GPHN: variants seen among roughly 807,000 people sequenced by gnomAD.
GPHN encodes the protein gephyrin.
A neutral mutation model predicts 95.5 loss-of-function variants in GPHN; 17 were observed. The observed-to-expected ratio is 0.18, with a 90% CI of 0.12 to 0.27. The LOEUF is 0.27. GPHN is among the 10% of genes least tolerant of loss of function. GPHN has a pLI of 1.00. For synonymous variants in GPHN, 320 were observed against 322.5 expected (o/e 0.99, Z 0.08); for missense variants, 660 against 978.1 (o/e 0.67, Z 4.34).
chr14:67,359,160 C>A, the GPHN span, among the ~76,000 whole-genome samples: 1 of 152,138 alleles, frequency 6.6e-6, no homozygotes, highest in Non-Finnish European at 1.5e-5. Flanking sequence ...AGATCGAATC[C>A]GAGGGCTATG....
chr14:67,066,782 G>C (rs186060647), intron 11 of GPHN, among the ~76,000 whole-genome samples: 214 of 152,224 alleles, frequency 1.4e-3, no homozygotes, highest in African/African-American at 5.0e-3. Flanking sequence ...GCTACATCAG[G>C]TCACTTAAGG....
chr14:66,884,463 G>C (rs912409813), intron 5 of GPHN, among the ~76,000 whole-genome samples: 1 of 151,998 alleles, frequency 6.6e-6, no homozygotes, highest in African/African-American at 2.4e-5. Flanking sequence ...GCATTTACTA[G>C]CAGTGTTACC....
the GPHN span, chr14:67,201,372 C>T: frequency 4.5e-6 from 2 of 446,744 alleles, no homozygotes; most frequent in Non-Finnish European, 9.0e-6. Context: ...AGCCCCAGGG[C>T]ATCAGCTCAC....
chr14:67,496,391 G>GTTTTTTTTTTTTTTT, the GPHN span, among the ~76,000 whole-genome samples: 9 of 30,106 alleles, frequency 3.0e-4, 4 homozygotes, highest in East Asian at 2.4e-3. Context: ...CTGCTCCGGC[G>GTTTTTTTTTTTTTTT]TTTTTTTTTT....
chr14:67,290,278 T>C, the GPHN span, among the ~76,000 whole-genome samples: 3 of 152,240 alleles, frequency 2.0e-5, no homozygotes, highest in East Asian at 5.8e-4. Context: ...AAAGATCAGG[T>C]ACTTGTCATA....
At chr14:66,531,563 C>T (rs950047391) in intron 1 of GPHN, among the ~76,000 whole-genome samples, 2 of 152,098 alleles carry the variant, frequency 1.3e-5, no homozygotes, top group Non-Finnish European at 2.9e-5. Flanking sequence ...GCAGTCTTCC[C>T]AAATAGTAGA....
chr14:66,603,084 T>C (rs1264135273), intron 1 of GPHN, among the ~76,000 whole-genome samples: 3 of 151,822 alleles, frequency 2.0e-5, no homozygotes, highest in Non-Finnish European at 3.0e-5. Flanking sequence ...ATTGAAAAAA[T>C]TGTATTCTTA....
At chr14:67,118,437 T>C (rs1407426303) in intron 16 of GPHN, among the ~76,000 whole-genome samples, 2 of 152,136 alleles carry the variant, frequency 1.3e-5, no homozygotes, top group Non-Finnish European at 2.9e-5. Flanking sequence ...CAAAGATTTA[T>C]CCCTCGGGCC....
chr14:67,338,804 C>T, the GPHN span: 1 of 1,552,380 alleles, frequency 6.4e-7, no homozygotes, highest in South Asian at 1.2e-5. Context: ...AACACTGTTT[C>T]AATATTAAGT....
intron 1 of GPHN, among the ~76,000 whole-genome samples, chr14:66,518,061 A>G (rs1414709298): frequency 3.3e-5 from 5 of 151,862 alleles, no homozygotes; most frequent in Non-Finnish European, 5.9e-5. Flanking sequence ...ATTAATATCT[A>G]GGATATACAA....
At chr14:67,292,684 C>T in the GPHN span, 1 of 1,613,634 alleles carries the variant, frequency 6.2e-7, no homozygotes, top group Non-Finnish European at 8.5e-7. Flanking sequence ...TCCTCCATTT[C>T]CTCTTATCTC....
chr14:66,664,048 G>A (rs757613020), intron 1 of GPHN, among the ~76,000 whole-genome samples: 29 of 152,046 alleles, frequency 1.9e-4, no homozygotes, highest in Admixed American at 3.9e-4. Context: ...CTTTAACACC[G>A]CACTGACAAT....
At chr14:66,535,907 C>T (rs1043436266) in intron 1 of GPHN, among the ~76,000 whole-genome samples, 5 of 152,108 alleles carry the variant, frequency 3.3e-5, no homozygotes, top group Middle Eastern at 6.8e-3. Flanking sequence ...AACTATTTTA[C>T]TTATTTCTTT....
At chr14:67,567,518 C>G in the GPHN span, among the ~76,000 whole-genome samples, 1 of 151,948 alleles carries the variant, frequency 6.6e-6, no homozygotes, top group African/African-American at 2.4e-5. Flanking sequence ...CCGAATTTTA[C>G]TTGGGCTCGA....
At chr14:67,053,058 G>GAA (rs113721368) in intron 10 of GPHN, among the ~76,000 whole-genome samples, 6 of 113,848 alleles carry the variant, frequency 5.3e-5, no homozygotes, top group Middle Eastern at 4.1e-3. Flanking sequence ...GAGCAAAAAA[G>GAA]AAAAAAAAAA....
chr14:67,556,581 C>T, the GPHN span, among the ~76,000 whole-genome samples: 2 of 152,196 alleles, frequency 1.3e-5, no homozygotes, highest in Admixed American at 6.5e-5. Flanking sequence ...ACCCACCCTG[C>T]ACCAGCTTTT....
At chr14:66,648,820 A>G (rs746787236) in intron 1 of GPHN, among the ~76,000 whole-genome samples, 4 of 152,226 alleles carry the variant, frequency 2.6e-5, no homozygotes, top group Non-Finnish European at 4.4e-5. Context: ...CTTAAAAACA[A>G]AGTCTCATAA....
At chr14:66,873,999 G>T (rs2063551141) in intron 4 of GPHN, among the ~76,000 whole-genome samples, 3 of 152,164 alleles carry the variant, frequency 2.0e-5, no homozygotes, top group Admixed American at 2.0e-4. Flanking sequence ...TGTCATACAG[G>T]AGAGCTCTGG....
chr14:66,814,501 C>A (rs2060888296), intron 3 of GPHN, among the ~76,000 whole-genome samples: 1 of 152,182 alleles, frequency 6.6e-6, no homozygotes, highest in Non-Finnish European at 1.5e-5. Flanking sequence ...CAATGCAAGT[C>A]CCCCAGAGTT....
Sources: gnomAD v4.1 joint callset for allele counts (sites outside exome capture counted in the v4.1 genomes callset) on GRCh38, gnomAD v4.1.1 for gene constraint, MANE v1.5 for transcripts, NCBI Gene and HGNC (gene_info 2026-07-23, HGNC 2026-07-21) for gene names.